The following PTPRM variants were observed in gnomAD, a reference collection of about 807,000 sequenced individuals.
PTPRM encodes receptor-type tyrosine-protein phosphatase mu.
A neutral mutation model predicts 186.7 loss-of-function variants in PTPRM; 47 were observed. That is an observed-to-expected ratio of 0.25 (90% CI 0.20 to 0.32). PTPRM has a LOEUF of 0.32. Ranked by LOEUF, PTPRM falls within the 10% of genes least tolerant of loss-of-function variation. The pLI, the probability that PTPRM is intolerant of heterozygous loss-of-function variation, is 1.00. For missense variants in PTPRM, 1,494 were observed against 1,865.0 expected, an observed-to-expected ratio of 0.80 and a Z score of 3.66; for synonymous variants, 668 against 674.9, an observed-to-expected ratio of 0.99 and a Z score of 0.16.
chr18:7,759,028 G>A (rs543498294), intron 1 of PTPRM, among the ~76,000 whole-genome samples: 1 of 152,222 alleles, frequency 6.6e-6, no homozygotes, highest in Non-Finnish European at 1.5e-5. Context: ...CTATCAGCTG[G>A]TAACTGTAGC....
At chr18:7,583,036 T>G (rs2036886429) in intron 1 of PTPRM, among the ~76,000 whole-genome samples, 1 of 152,216 alleles carries the variant, frequency 6.6e-6, no homozygotes, top group African/African-American at 2.4e-5. Context: ...CAGTGCCCAG[T>G]CCAGAATAGC....
At chr18:7,773,586 T>TG (rs2042435574) in intron 1 of PTPRM, among the ~76,000 whole-genome samples, 1 of 148,240 alleles carries the variant, frequency 6.7e-6, no homozygotes, top group African/African-American at 2.5e-5. Context: ...TTTTTTTTTT[T>TG]TTGTTTGTTT....
At chr18:7,642,798 A>C (rs1466186921) in intron 1 of PTPRM, among the ~76,000 whole-genome samples, 1 of 150,330 alleles carries the variant, frequency 6.7e-6, no homozygotes, top group African/African-American at 2.5e-5. Context: ...CATCAACCTG[A>C]ATGTATTTGA....
intron 2 of PTPRM, among the ~76,000 whole-genome samples, chr18:7,868,185 A>C (rs2047809787): frequency 6.6e-6 from 1 of 152,086 alleles, no homozygotes. Flanking sequence ...CCACCTTCTG[A>C]AGCCTACTGT....
intron 7 of PTPRM, among the ~76,000 whole-genome samples, chr18:7,958,526 T>C (rs1440052324): frequency 1.3e-5 from 2 of 152,164 alleles, no homozygotes; most frequent in Non-Finnish European, 2.9e-5. Flanking sequence ...TGTGGCTGAT[T>C]TGTTCAAGCA....
At chr18:8,015,286 C>T (rs1031974830) in intron 7 of PTPRM, among the ~76,000 whole-genome samples, 1 of 152,194 alleles carries the variant, frequency 6.6e-6, no homozygotes, top group Non-Finnish European at 1.5e-5. Context: ...ATAACAGAAA[C>T]AGTTGATTGA....
At chr18:8,139,522 A>G (rs2092715462) in intron 13 of PTPRM, among the ~76,000 whole-genome samples, 1 of 152,202 alleles carries the variant, frequency 6.6e-6, no homozygotes. Context: ...TCCTCTGCTC[A>G]GAATCCTCCC....
rs550289242 is a variant in PTPRM, at chr18:8,217,726, A to G, written c.2301-26332A>G. Reference sequence around the variant, plus strand: ...ACTTTGCTCATAGCTGAGTCTCAGTATGCCCAGTGAGGCTTTGTGTTGTTT... The same window carrying G: ...ACTTTGCTCATAGCTGAGTCTCAGTGTGCCCAGTGAGGCTTTGTGTTGTTT... On this transcript the variant is annotated intron_variant, in intron 14 of 32. Coordinates refer to ENST00000580170, the MANE Select transcript of PTPRM (RefSeq NM_001105244.2). Among the ~76,000 whole-genome samples the G allele has an allele frequency of 9.7e-4, 147 of 152,324 alleles. 1 individual carries two copies. The highest frequency in any genetic ancestry group is 3.4e-3 in the African/African-American group (140 of 41,584).
intron 2 of PTPRM, among the ~76,000 whole-genome samples, chr18:7,794,614 A>G (rs1156571589): frequency 6.6e-6 from 1 of 152,240 alleles, no homozygotes; most frequent in African/African-American, 2.4e-5. Context: ...GATTAAAAGT[A>G]GAATATGTTC....
chr18:8,176,469 A>G (rs2093483564), intron 14 of PTPRM, among the ~76,000 whole-genome samples: 1 of 152,206 alleles, frequency 6.6e-6, no homozygotes, highest in Admixed American at 6.5e-5. Flanking sequence ...TTCTTTATTC[A>G]CAATGTCCCT....
chr18:8,283,272 C>A (rs1250326469), intron 19 of PTPRM, among the ~76,000 whole-genome samples: 2 of 152,216 alleles, frequency 1.3e-5, no homozygotes, highest in Non-Finnish European at 2.9e-5. Context: ...GCTCTCCATA[C>A]CATCCTTGCA....
intron 4 of PTPRM, among the ~76,000 whole-genome samples, chr18:7,909,659 C>A (rs2050164902): frequency 7.1e-6 from 1 of 141,362 alleles, no homozygotes; most frequent in Non-Finnish European, 1.6e-5. Flanking sequence ...TATTTTATAT[C>A]TAAAACTATG....
chr18:7,720,571 A>G (rs771651872), intron 1 of PTPRM, among the ~76,000 whole-genome samples: 8 of 152,114 alleles, frequency 5.3e-5, no homozygotes, highest in African/African-American at 1.9e-4. Context: ...TTGTTGTGCA[A>G]CCATTCTCCA....
intron 22 of PTPRM, among the ~76,000 whole-genome samples, chr18:8,331,888 C>G (rs1302985893): frequency 3.3e-5 from 5 of 152,218 alleles, no homozygotes; most frequent in African/African-American, 1.2e-4. Context: ...AATTGAGCAG[C>G]CTTGATAGCA....
Position 8,322,025 on chromosome 18 carries a change from C to G in PTPRM, c.2956+2811C>G, listed in dbSNP as rs201244184. Among the ~76,000 whole-genome samples the G allele has an allele frequency of 9.9e-5, 15 of 152,254 alleles. No homozygotes were observed. In the East Asian group the frequency reaches 2.9e-3, roughly 29 times the overall value. On this transcript the variant is annotated intron_variant, in intron 22 of 32. Transcript: ENST00000580170. ...AACATTAATACCTCCAAGAGGCCAACAAAATGGGCAATGAAGACCAACAGG... is the reference window on the plus strand; with the variant it reads ...AACATTAATACCTCCAAGAGGCCAAGAAAATGGGCAATGAAGACCAACAGG...
chr18:7,671,174 C>G (rs1465389027), intron 1 of PTPRM, among the ~76,000 whole-genome samples: 1 of 152,110 alleles, frequency 6.6e-6, no homozygotes, highest in Admixed American at 6.5e-5. Flanking sequence ...GTTTTTCATT[C>G]CCCACCCCCG....
chr18:8,085,539 G>A (rs1313172620), intron 9 of PTPRM, 132 bp from the exon 10 acceptor site: 6 of 764,022 alleles, frequency 7.9e-6, no homozygotes, highest in Non-Finnish European at 1.1e-5. Context: ...GTGGATTCAG[G>A]ATTTCAAGAG....
At chr18:7,579,836 G>A (rs2036796103) in intron 1 of PTPRM, among the ~76,000 whole-genome samples, 1 of 152,144 alleles carries the variant, frequency 6.6e-6, no homozygotes, top group African/African-American at 2.4e-5. Context: ...ACATGTGAAC[G>A]TTGTGGAATG....
intron 1 of PTPRM, among the ~76,000 whole-genome samples, chr18:7,718,017 T>C (rs1348344619): frequency 6.6e-6 from 1 of 151,528 alleles, no homozygotes; most frequent in Non-Finnish European, 1.5e-5. Flanking sequence ...CAGGGAAATA[T>C]CCTGCTTCAA....
Sources: allele counts gnomAD v4.1 joint callset (sites outside exome capture counted in the v4.1 genomes callset), GRCh38; gene constraint gnomAD v4.1.1; transcripts MANE v1.5; gene names NCBI Gene and HGNC (gene_info 2026-07-23, HGNC 2026-07-21).